Variants in SLC9A2 observed in about 807,000 individuals in gnomAD.
SLC9A2 encodes the protein solute carrier family 9 member A2.
A neutral mutation model predicts 71.7 loss-of-function variants in SLC9A2; 42 were observed. The ratio of observed to expected loss-of-function variants is 0.59; its 90% CI spans 0.46 to 0.76. The LOEUF (loss-of-function observed/expected upper bound fraction) is 0.76. Among genes scored for constraint, SLC9A2 ranks in the 30% least tolerant of loss-of-function variants. The probability of loss-of-function intolerance (pLI) is 0.00; values close to 1 mark genes in which losing one functional copy is unlikely to be tolerated. For missense variants in SLC9A2, 829 were observed against 1,017.4 expected (o/e 0.81, Z 2.52); for synonymous variants, 396 against 392.5 (o/e 1.01, Z -0.10).
chr2:102,669,040 G>T (rs1237950488), intron 3 of SLC9A2, among the ~76,000 whole-genome samples: 1 of 152,214 alleles, frequency 6.6e-6, no homozygotes, highest in Non-Finnish European at 1.5e-5. Context: ...GTGCTGGACA[G>T]GATTTCAATA....
chr2:102,654,492 T>G (rs1349627956), intron 1 of SLC9A2, among the ~76,000 whole-genome samples: 1 of 152,172 alleles, frequency 6.6e-6, no homozygotes, highest in Non-Finnish European at 1.5e-5. Flanking sequence ...GATCACTTTA[T>G]TATTTAACAG....
chr2:102,700,210 A>G (rs1224025233), intron 7 of SLC9A2, among the ~76,000 whole-genome samples: 1 of 152,188 alleles, frequency 6.6e-6, no homozygotes, highest in Non-Finnish European at 1.5e-5. Flanking sequence ...TAGATATCCA[A>G]CTGCAGATGT....
chr2:102,650,923 T>C (rs989683989), intron 1 of SLC9A2, among the ~76,000 whole-genome samples: 1 of 152,324 alleles, frequency 6.6e-6, no homozygotes, highest in African/African-American at 2.4e-5. Flanking sequence ...CATGGTATGT[T>C]TTAAGGATTT....
intron 5 of SLC9A2, among the ~76,000 whole-genome samples, chr2:102,685,435 G>A (rs915260763): frequency 6.6e-6 from 1 of 152,196 alleles, no homozygotes; most frequent in African/African-American, 2.4e-5. Context: ...CTTTGTAAAA[G>A]GATCATACTG....
At chr2:102,684,695 T>C (rs1214609098) in intron 5 of SLC9A2, among the ~76,000 whole-genome samples, 3 of 152,166 alleles carry the variant, frequency 2.0e-5, no homozygotes, top group South Asian at 2.1e-4. Context: ...TTGACATGAG[T>C]TGACTGCCTC....
intron 1 of SLC9A2, among the ~76,000 whole-genome samples, chr2:102,650,661 C>T (rs1676814451): frequency 6.6e-6 from 1 of 152,120 alleles, no homozygotes; most frequent in Non-Finnish European, 1.5e-5. Context: ...TTAAATTATG[C>T]TTTCTTTCCT....
rs368881882 is a variant in SLC9A2 at position 102,708,371 on chromosome 2, G to A, written c.2321G>A (p.Gly774Asp). The A allele has an allele frequency of 1.1e-5, 18 of 1,614,104 alleles. No individual in the cohort carries two copies. In the African/African-American group the frequency reaches 2.1e-4, roughly 19 times the overall value. Residue 774 changes from glycine to aspartate, a missense_variant, in exon 12 of 12, where the codon GGC becomes GAC. Transcript: ENST00000233969. ...CCCCTTCTCTCTAAAGACCAGTCTGGCTCAGAGAGGGAAGACAGTTTGACT... is the reference window on the plus strand; with the variant it reads ...CCCCTTCTCTCTAAAGACCAGTCTGACTCAGAGAGGGAAGACAGTTTGACT... ...QQPLLSKDQS[G>D]SEREDSLTEG...
At chr2:102,674,245 C>T (rs145103138) in intron 3 of SLC9A2, among the ~76,000 whole-genome samples, 15 of 152,308 alleles carry the variant, frequency 9.8e-5, no homozygotes, top group African/African-American at 3.4e-4. Flanking sequence ...AATACAGCTA[C>T]GGAGGTCAAG....
chr2:102,697,937 G>C (rs1677798240), intron 7 of SLC9A2, among the ~76,000 whole-genome samples: 1 of 151,792 alleles, frequency 6.6e-6, no homozygotes, highest in Non-Finnish European at 1.5e-5. Context: ...TCTCACTCTT[G>C]GCACAAGCAG....
chr2:102,621,554 A>T (rs987248181), intron 1 of SLC9A2, among the ~76,000 whole-genome samples: 8 of 152,140 alleles, frequency 5.3e-5, no homozygotes, highest in African/African-American at 9.7e-5. Flanking sequence ...TATTGTTATA[A>T]TGATTCGATT....
chr2:102,646,768 A>ATAT (rs1676731084), intron 1 of SLC9A2, among the ~76,000 whole-genome samples: 20 of 132,978 alleles, frequency 1.5e-4, no homozygotes, highest in African/African-American at 5.6e-4. Flanking sequence ...AACGATCCTA[A>ATAT]ATATATATAT....
In SLC9A2 at chr2:102,619,797, G is replaced by A; in HGVS notation, c.-52G>A. On this transcript the variant is annotated 5_prime_UTR_variant, in exon 1 of 12. An upstream open reading frame in the 5' UTR loses its in-frame stop. Transcript: ENST00000233969. This position sits in a 1 kb window ranked among gnomAD's most constrained non-coding sequence, Gnocchi z 4.3. ...CTGAGCAGCCCGGGCGCGATGCGTT[G>A]AGCGCTCGGAGGGCCAACCGCCGGT... The A allele has an allele frequency of 1.4e-6, 2 of 1,436,740 alleles. No individual in the cohort carries two copies. The highest frequency in any genetic ancestry group is 1.8e-6 in the Non-Finnish European group (2 of 1,095,222). 89.0% of individuals were successfully genotyped at this position (1,436,740 alleles called of 1,614,324 possible).
In SLC9A2 at chr2:102,708,490, G is replaced by A. The variant is rs1678032260; in HGVS notation, c.*1G>A. On this transcript the variant is annotated 3_prime_UTR_variant, in exon 12 of 12. Coordinates refer to ENST00000233969, the MANE Select transcript of SLC9A2 (RefSeq NM_003048.6). Reference sequence around the variant, plus strand: ...CCGATTTGGGAGTGAGAAGCCTTAAGAGAAGCAGCGAAAGCAGATCTGAGT... The same window carrying A: ...CCGATTTGGGAGTGAGAAGCCTTAAAAGAAGCAGCGAAAGCAGATCTGAGT... 6.2e-7 allele frequency: 1 copy of A among 1,612,214 alleles called. No homozygotes were observed. Among genetic ancestry groups the A allele is most frequent in the Non-Finnish European group, 8.5e-7 (1 of 1,178,964 alleles).
intron 10 of SLC9A2, 32 bp downstream of exon 10, chr2:102,704,707 A>C: frequency 6.3e-7 from 1 of 1,598,864 alleles, no homozygotes; most frequent in South Asian, 1.1e-5. Flanking sequence ...GGAGACTTCC[A>C]GGGGTGGAGC....
chr2:102,639,599 G>A (rs940205784), intron 1 of SLC9A2, among the ~76,000 whole-genome samples: 10 of 152,190 alleles, frequency 6.6e-5, no homozygotes, highest in Non-Finnish European at 1.5e-4. Flanking sequence ...CAATTCAGTG[G>A]CATTGAGTAC....
chr2:102,620,892 C>T (rs953989820), intron 1 of SLC9A2, among the ~76,000 whole-genome samples: 3 of 152,006 alleles, frequency 2.0e-5, no homozygotes, highest in African/African-American at 4.8e-5. Flanking sequence ...AAAAATTGGC[C>T]GGGCGAGGTG....
At chr2:102,655,935 C>T (rs750782167) in intron 1 of SLC9A2, among the ~76,000 whole-genome samples, 7 of 152,326 alleles carry the variant, frequency 4.6e-5, no homozygotes, top group Middle Eastern at 3.4e-3. Context: ...TGAGAAGCCT[C>T]TGTTGTGAGG....
chr2:102,708,421 C>T lies in SLC9A2; in HGVS notation c.2371C>T (p.Pro791Ser). Residue 791 changes from proline (P) to serine (S), a missense_variant, in exon 12 of 12, where the codon CCA (proline) becomes TCA (serine). Transcript: ENST00000233969. ...TGAAGGCATCCCGCCCAAGCCGCCA[C>T]CACGGCTGGTCTGGAGGGCATCGGA... ...LTEGIPPKPP[P>S]RLVWRASEPG... 6.2e-7 allele frequency: 1 copy of T among 1,614,206 alleles called. No homozygotes were observed.
At chr2:102,695,162 T>G (rs375972869) in intron 7 of SLC9A2, 49 bp downstream of exon 7, 4 of 1,271,116 alleles carry the variant, frequency 3.1e-6, no homozygotes, top group Non-Finnish European at 4.6e-6. Context: ...AGGGTCATTC[T>G]GAAAGCAGGA....
Sources: gnomAD v4.1 joint callset for allele counts (sites outside exome capture counted in the v4.1 genomes callset) on GRCh38, gnomAD v4.1.1 for gene constraint, Gnocchi (gnomAD v3.1) non-coding constraint, MANE v1.5 for transcripts, NCBI Gene and HGNC (gene_info 2026-07-23, HGNC 2026-07-21) for gene names.